The following TNS3 variants were observed in gnomAD, a reference collection of about 807,000 sequenced individuals.
TNS3 encodes tensin 3.
TNS3 carries 45 observed loss-of-function variants against 140.9 expected under a neutral mutation model. The observed-to-expected ratio is 0.32, with a 90% CI of 0.25 to 0.41. The LOEUF (loss-of-function observed/expected upper bound fraction) is 0.41. Ranked by LOEUF, TNS3 falls within the 10% of genes least tolerant of loss-of-function variation. The probability of loss-of-function intolerance (pLI) is 1.00; values close to 1 mark genes in which losing one functional copy is unlikely to be tolerated. For synonymous variants in TNS3, 815 were observed against 788.4 expected (o/e 1.03, Z -0.56); for missense variants, 1,716 against 1,906.7 (o/e 0.90, Z 1.86).
intron 20 of TNS3, among the ~76,000 whole-genome samples, chr7:47,327,346 G>C (rs892049213): frequency 6.6e-6 from 1 of 152,182 alleles, no homozygotes; most frequent in Non-Finnish European, 1.5e-5. Flanking sequence ...AGAGACAACA[G>C]TAAATCTCAT....
At chr7:47,513,849 C>T (rs929071933) in intron 2 of TNS3, among the ~76,000 whole-genome samples, 1 of 152,226 alleles carries the variant, frequency 6.6e-6, no homozygotes, top group Admixed American at 6.5e-5. Flanking sequence ...AGTCTGCAAA[C>T]CACACATCAG....
chr7:47,370,139 G>T lies in TNS3; in HGVS notation c.1025-518C>A, dbSNP rs145266005. 6.7e-3 allele frequency among the ~76,000 whole-genome samples: 1,023 copies of T among 152,258 alleles called. 17 individuals carry two copies. Among genetic ancestry groups the T allele is most frequent in the Admixed American group, 0.037 (568 of 15,300 alleles). On this transcript the variant is annotated intron_variant, in intron 16 of 30. Coordinates refer to ENST00000311160, the MANE Select transcript of TNS3 (RefSeq NM_022748.12). ...AAAAATACAAAAATTAGCTGGGCGT[G>T]GTGGCGCATGCCTGTAGTCCCAGCT... is the stretch of plus-strand genomic sequence containing the variant.
At chr7:47,320,134 T>C (rs952523557) in intron 20 of TNS3, among the ~76,000 whole-genome samples, 8 of 152,206 alleles carry the variant, frequency 5.3e-5, no homozygotes, top group Non-Finnish European at 1.2e-4. Context: ...ATTTTACTAA[T>C]AGTGACTATC....
At chr7:47,355,724 T>C (rs1170627856) in intron 17 of TNS3, among the ~76,000 whole-genome samples, 6 of 152,050 alleles carry the variant, frequency 3.9e-5, no homozygotes, top group Admixed American at 3.9e-4. Flanking sequence ...TAATTGAGAG[T>C]GTAAAATAAC....
intron 4 of TNS3, among the ~76,000 whole-genome samples, chr7:47,463,604 T>C (rs949305425): frequency 1.9e-4 from 29 of 152,196 alleles, no homozygotes; most frequent in African/African-American, 6.3e-4. Context: ...TACACTTGCA[T>C]TTTAAACAGC....
At position 47,369,340 on chromosome 7, in the gene TNS3, C is replaced by A. The variant is rs1227759414; in HGVS notation, c.1306G>T (p.Asp436Tyr). 1 of 1,614,096 alleles carries A rather than the reference C, an allele frequency of 6.2e-7. No homozygotes were observed. The highest frequency in any genetic ancestry group is 2.2e-5 in the East Asian group (1 of 44,892). ...ATTTCCTTGAGGGAGCTTCCAGGATCTTCCAGGCCAAAGCCACTGAGCAGC... is the reference window on the plus strand; with the variant it reads ...ATTTCCTTGAGGGAGCTTCCAGGATATTCCAGGCCAAAGCCACTGAGCAGC... ...DQLLSGFGLE[D>Y]PGSSLKEMTD... Residue 436 changes from aspartate to tyrosine, a missense_variant, in exon 17 of 31, where the codon GAT (aspartate) becomes TAT (tyrosine). Around this residue, in one of 3 missense-constraint regions of TNS3, gnomAD observed 1,163 missense variants for 1,182.1 expected, o/e 0.98. Coordinates refer to ENST00000311160, the MANE Select transcript of TNS3 (RefSeq NM_022748.12).
At chr7:47,496,229 A>G (rs1016947357) in intron 3 of TNS3, among the ~76,000 whole-genome samples, 11 of 152,214 alleles carry the variant, frequency 7.2e-5, no homozygotes, top group African/African-American at 2.4e-4. Context: ...TCAAAAAAGG[A>G]CATCACTGAA....
At chr7:47,430,072 T>A in intron 8 of TNS3, among the ~76,000 whole-genome samples, 1 of 152,168 alleles carries the variant, frequency 6.6e-6, no homozygotes, top group South Asian at 2.1e-4. Flanking sequence ...TATCAATCAC[T>A]TTTGTGGCAC....
At chr7:47,283,447 C>T (rs2150556556) in intron 28 of TNS3, among the ~76,000 whole-genome samples, 1 of 152,246 alleles carries the variant, frequency 6.6e-6, no homozygotes, top group Admixed American at 6.5e-5. Context: ...TTTAAAACGC[C>T]AAACGTCTTT....
At chr7:47,572,687 C>A (rs1800585164) in intron 1 of TNS3, among the ~76,000 whole-genome samples, 1 of 152,038 alleles carries the variant, frequency 6.6e-6, no homozygotes, top group African/African-American at 2.4e-5. Flanking sequence ...ACCAGCCTGG[C>A]CAACATGGTG....
At chr7:47,293,664 G>T in intron 25 of TNS3, 69 bp downstream of exon 25, 1 of 1,382,688 alleles carries the variant, frequency 7.2e-7, no homozygotes, top group Non-Finnish European at 1.0e-6. Flanking sequence ...CAAATCTCAG[G>T]TTGGTGAGCA....
chr7:47,435,068 C>T (rs1426807296), intron 8 of TNS3, among the ~76,000 whole-genome samples: 1 of 152,168 alleles, frequency 6.6e-6, no homozygotes, highest in African/African-American at 2.4e-5. Flanking sequence ...ATTCAGGGAC[C>T]ACAATCCTAT....
chr7:47,565,934 G>C (rs1010617413), intron 1 of TNS3, among the ~76,000 whole-genome samples: 2 of 152,202 alleles, frequency 1.3e-5, no homozygotes, highest in Non-Finnish European at 2.9e-5. Flanking sequence ...ACCAGCCACA[G>C]TCTGATGGCA....
intron 1 of TNS3, among the ~76,000 whole-genome samples, chr7:47,569,887 G>A (rs1416522139): frequency 6.6e-6 from 1 of 151,878 alleles, no homozygotes; most frequent in East Asian, 1.9e-4. Context: ...GGTGGCTCAC[G>A]CCTGTAATCC....
intron 1 of TNS3, among the ~76,000 whole-genome samples, chr7:47,572,009 AT>A (rs1306186875): frequency 6.6e-6 from 1 of 152,196 alleles, no homozygotes; most frequent in Non-Finnish European, 1.5e-5. Context: ...AGGGAGAGGA[AT>A]GCAACTCCGC....
intron 8 of TNS3, among the ~76,000 whole-genome samples, chr7:47,432,278 C>T (rs1053789521): frequency 6.6e-6 from 1 of 152,162 alleles, no homozygotes; most frequent in Non-Finnish European, 1.5e-5. Flanking sequence ...CCAGTTATCA[C>T]AGGAGTAGAA....
At chr7:47,526,442 A>T (rs1183685749) in intron 2 of TNS3, among the ~76,000 whole-genome samples, 1 of 152,208 alleles carries the variant, frequency 6.6e-6, no homozygotes, top group Non-Finnish European at 1.5e-5. Flanking sequence ...TAACACCAGC[A>T]ACAAACCTAA....
intron 27 of TNS3, among the ~76,000 whole-genome samples, chr7:47,290,321 A>C (rs1785629259): frequency 6.6e-6 from 1 of 152,262 alleles, no homozygotes. Flanking sequence ...TTTAAGATAC[A>C]ATACCAAAGT....
At chr7:47,552,026 A>G (rs1562851668) in intron 1 of TNS3, among the ~76,000 whole-genome samples, 3 of 143,890 alleles carry the variant, frequency 2.1e-5, no homozygotes, top group African/African-American at 8.9e-5. Context: ...ACAGACATTG[A>G]AAAGGGGCGG....
Sources: gnomAD v4.1 joint callset for allele counts (sites outside exome capture counted in the v4.1 genomes callset) on GRCh38, gnomAD v4.1.1 for gene constraint, gnomAD v4.1.1 regional missense constraint, MANE v1.5 for transcripts, NCBI Gene and HGNC (gene_info 2026-07-23, HGNC 2026-07-21) for gene names.